Variants in ALDH18A1 observed in about 807,000 individuals in gnomAD.
The protein encoded by ALDH18A1 is aldehyde dehydrogenase 18 family member A1, also known as delta-1-pyrroline-5-carboxylate synthase.
Under a neutral mutation model 88.8 loss-of-function variants are expected in ALDH18A1, and 44 were observed. The observed-to-expected ratio is 0.50, with a 90% CI of 0.39 to 0.64. ALDH18A1 has a LOEUF of 0.64. Ranked by LOEUF, ALDH18A1 falls within the 30% of genes least tolerant of loss-of-function variation. The probability of loss-of-function intolerance (pLI) is 0.00; values close to 1 mark genes in which losing one functional copy is unlikely to be tolerated. For synonymous variants in ALDH18A1, 331 were observed against 372.1 expected, an observed-to-expected ratio of 0.89 and a Z score of 1.27; for missense variants, 782 against 1,009.5, an observed-to-expected ratio of 0.77 and a Z score of 3.05.
At chr10:95,615,621 T>G (rs2097842937) in intron 13 of ALDH18A1, among the ~76,000 whole-genome samples, 1 of 152,142 alleles carries the variant, frequency 6.6e-6, no homozygotes, top group Non-Finnish European at 1.5e-5. Context: ...GGCTGGGATT[T>G]GAATCCCTAA....
At position 95,606,461 on chromosome 10, in the gene ALDH18A1, G is replaced by A. The variant is rs2097822868; in HGVS notation, c.*301C>T. ...CTGAGGTGACACAAAGCAGCCATGG[G>A]TTTTCCTCGCCTTTTTTATGGGGAA... On this transcript the variant is annotated 3_prime_UTR_variant, in exon 18 of 18. Transcript: ENST00000371224. 1 of 1,243,240 alleles carries A rather than the reference G, an allele frequency of 8.0e-7. No individual in the cohort carries two copies. Among genetic ancestry groups the A allele is most frequent in the Non-Finnish European group, 1.0e-6 (1 of 982,114 alleles). The allele number at this position is 1,243,240 out of a possible 1,614,324, so 77.0% of individuals were successfully genotyped here.
Position 95,640,629 on chromosome 10 carries a change from A to G in ALDH18A1, c.303+2363T>C, listed in dbSNP as rs755990224. 2.3e-4 allele frequency among the ~76,000 whole-genome samples: 35 copies of G among 152,178 alleles called. 1 individual carries two copies. Among genetic ancestry groups the G allele is most frequent in the Non-Finnish European group, 5.1e-4 (35 of 68,010 alleles). Reference sequence around the variant, plus strand: ...GGTGTTGGGATTACAGGTGTAAGCCACTGTGCCCAGCTGTGATTCCCTTTC... The same window carrying G: ...GGTGTTGGGATTACAGGTGTAAGCCGCTGTGCCCAGCTGTGATTCCCTTTC... On this transcript the variant is annotated intron_variant, in intron 3 of 17. Transcript: ENST00000371224.
chr10:95,633,733 A>G (rs1286065769), intron 5 of ALDH18A1, 84 bp from the exon 6 acceptor site: 1 of 1,459,954 alleles, frequency 6.8e-7, no homozygotes, highest in East Asian at 2.6e-5. Context: ...AGAGCAGGGG[A>G]GTTAAACTTT....
intron 15 of ALDH18A1, among the ~76,000 whole-genome samples, chr10:95,613,214 C>T (rs1373115162): frequency 6.6e-6 from 1 of 152,180 alleles, no homozygotes. Flanking sequence ...AACTTACTGG[C>T]TTTTGGTTTG....
intron 17 of ALDH18A1, among the ~76,000 whole-genome samples, chr10:95,607,691 T>C (rs1365387950): frequency 6.6e-6 from 1 of 152,172 alleles, no homozygotes; most frequent in East Asian, 1.9e-4. Flanking sequence ...AATAGTCTCC[T>C]GTGGTGCTCA....
Position 95,627,537 on chromosome 10 carries a change from G to C in ALDH18A1, c.983C>G (p.Ala328Gly). Residue 328 changes from alanine to glycine, a missense_variant, in exon 9 of 18, where the codon GCC (alanine) becomes GGC (glycine). Around this residue, in one of 3 missense-constraint regions of ALDH18A1, gnomAD observed 556 missense variants for 654.5 expected, o/e 0.85. Coordinates refer to ENST00000371224, the MANE Select transcript of ALDH18A1 (RefSeq NM_002860.4). Reference sequence around the variant, plus strand: ...AGACACCTTTGGGTGGGTTCCATTGGCAATAACAACAGAAGTGCCACCTTG... The same window carrying C: ...AGACACCTTTGGGTGGGTTCCATTGCCAATAACAACAGAAGTGCCACCTTG... Reference protein sequence around the residue: ...ALQGGTSVVIANGTHPKVSGH... With the variant: ...ALQGGTSVVIGNGTHPKVSGH... The C allele has an allele frequency of 1.2e-6, 2 of 1,614,086 alleles. No individual in the cohort carries two copies. The highest frequency in any genetic ancestry group is 1.7e-6 in the Non-Finnish European group (2 of 1,179,972).
At chr10:95,652,926 C>T (rs1167676285) in intron 2 of ALDH18A1, among the ~76,000 whole-genome samples, 1 of 151,736 alleles carries the variant, frequency 6.6e-6, no homozygotes, top group East Asian at 1.9e-4. Context: ...ATGGCTCACG[C>T]CTGTAATCCC....
rs997736039 is a variant in ALDH18A1 at position 95,606,324 on chromosome 10, C to G, written c.*438G>C. 1.0e-6 allele frequency: 1 copy of G among 1,000,756 alleles called. No homozygotes were observed. The highest frequency in any genetic ancestry group is 1.2e-6 in the Non-Finnish European group (1 of 838,720). 62.0% of individuals were successfully genotyped at this position (1,000,756 alleles called of 1,614,324 possible). ...AAGAGTTGCCCCTTTTCTAAAATTCCAAATCTTTCCTTTTTGAAGATGACT... is the reference window on the plus strand; with the variant it reads ...AAGAGTTGCCCCTTTTCTAAAATTCGAAATCTTTCCTTTTTGAAGATGACT... On this transcript the variant is annotated 3_prime_UTR_variant, in exon 18 of 18. Transcript: ENST00000371224.
chr10:95,633,346 A>C, intron 6 of ALDH18A1, 145 bp downstream of exon 6: 4 of 1,036,192 alleles, frequency 3.9e-6, no homozygotes, highest in Non-Finnish European at 5.7e-6. Context: ...CGAGTTCAGA[A>C]GAGCTTATGC....
rs55659918 is a variant in ALDH18A1, at chr10:95,609,769, A to ATTTTTTTTTTTTTT, written c.2206+414_2206+427dup. On this transcript the variant is annotated intron_variant, in intron 17 of 17. Coordinates refer to ENST00000371224, the MANE Select transcript of ALDH18A1 (RefSeq NM_002860.4). ...CCTACCTTGCCAGAAGTCTGTCTCT[A>ATTTTTTTTTTTTTT]TTTTTTTTTTTTTTTTGAGATGGTG... Among the ~76,000 whole-genome samples, 774 of 114,164 alleles carry ATTTTTTTTTTTTTT rather than the reference A, an allele frequency of 6.8e-3. 74 individuals are homozygous for ATTTTTTTTTTTTTT. The highest frequency in any genetic ancestry group is 0.016 in the African/African-American group (459 of 29,070). The allele number at this position is 114,164 out of a possible 152,430, so 74.9% of individuals were successfully genotyped here. A position where few individuals can be genotyped will look rare whatever the true frequency, so the allele number is the denominator to read the frequency against.
intron 3 of ALDH18A1, among the ~76,000 whole-genome samples, chr10:95,640,090 T>C (rs1488592572): frequency 6.6e-6 from 1 of 152,204 alleles, no homozygotes; most frequent in East Asian, 1.9e-4. Flanking sequence ...TCTAACTCAA[T>C]GATTCCTTCG....
rs2097858992 is a variant in ALDH18A1 at position 95,625,439 on chromosome 10, T to C, written c.1169A>G (p.His390Arg). 1.2e-6 allele frequency: 2 copies of C among 1,613,978 alleles called. No individual in the cohort carries two copies. Among genetic ancestry groups the C allele is most frequent in the East Asian group, 2.2e-5 (1 of 44,870 alleles). Residue 390 changes from histidine to arginine, a missense_variant, in exon 11 of 18, where the codon CAT (histidine) becomes CGT (arginine). This residue lies in a region of ALDH18A1 where 556 missense variants were observed against 654.5 expected (regional missense o/e 0.85). Coordinates refer to ENST00000371224, the MANE Select transcript of ALDH18A1 (RefSeq NM_002860.4). The stretch of plus-strand genomic sequence containing the variant: ...GTCCGTCAACAGATCAGCCAGATGA[T>C]GGATAATTTCTGCTCTCTAGAAGAA... Reference protein sequence around the residue: ...LEPEQRAEIIHHLADLLTDQR... With the variant: ...LEPEQRAEIIRHLADLLTDQR...
chr10:95,613,885 A>ATTGTTTCC (rs766756427), intron 14 of ALDH18A1, 22 bp from the exon 15 acceptor site: 1 of 1,614,196 alleles, frequency 6.2e-7, no homozygotes, highest in South Asian at 1.1e-5. Context: ...TGAGCAAAGA[A>ATTGTTTCC]TTGTTTCCAT....
intron 7 of ALDH18A1, among the ~76,000 whole-genome samples, chr10:95,630,102 T>C (rs934674799): frequency 6.6e-5 from 6 of 90,412 alleles, no homozygotes; most frequent in African/African-American, 1.8e-4. Flanking sequence ...AAAAAAAATA[T>C]TTCTTCTTCT....
chr10:95,656,493 C>CG (rs2097918297), intron 1 of ALDH18A1, 104 bp downstream of exon 1: 1 of 152,284 alleles, frequency 6.6e-6, no homozygotes, highest in African/African-American at 2.4e-5. Context: ...GCAGCGTCCC[C>CG]GCTCCAGCGG....
At chr10:95,625,785 G>A (rs1213292340) in intron 10 of ALDH18A1, among the ~76,000 whole-genome samples, 1 of 151,648 alleles carries the variant, frequency 6.6e-6, no homozygotes, top group Non-Finnish European at 1.5e-5. Flanking sequence ...GGGGCATGAT[G>A]GATACAATCT....
chr10:95,645,289 T>C (rs2097899318), intron 2 of ALDH18A1, among the ~76,000 whole-genome samples: 1 of 152,244 alleles, frequency 6.6e-6, no homozygotes, highest in Non-Finnish European at 1.5e-5. Flanking sequence ...AATATTTGAA[T>C]GAATTACTAA....
chr10:95,617,717 G>C (rs1306303747), intron 12 of ALDH18A1, among the ~76,000 whole-genome samples: 1 of 152,208 alleles, frequency 6.6e-6, no homozygotes, highest in Non-Finnish European at 1.5e-5. Flanking sequence ...ACCATCCAGG[G>C]CTGAGTCCAG....
intron 2 of ALDH18A1, among the ~76,000 whole-genome samples, chr10:95,643,661 T>C (rs2097896013): frequency 6.6e-6 from 1 of 152,240 alleles, no homozygotes; most frequent in Non-Finnish European, 1.5e-5. Context: ...TTCATATACA[T>C]GTATAAACAC....
Sources: allele counts gnomAD v4.1 joint callset (sites outside exome capture counted in the v4.1 genomes callset), GRCh38; gene constraint gnomAD v4.1.1; regional missense constraint gnomAD v4.1.1; transcripts MANE v1.5; gene names NCBI Gene and HGNC (gene_info 2026-07-23, HGNC 2026-07-21).